GLP1R: variants seen among roughly 807,000 people sequenced by gnomAD.
The protein encoded by GLP1R is glucagon like peptide 1 receptor.
In GLP1R, 32 loss-of-function variants were observed where a neutral mutation model predicts 68.4. The ratio of observed to expected loss-of-function variants is 0.47; its 90% CI spans 0.35 to 0.63. GLP1R has a LOEUF of 0.63. Among genes scored for constraint, GLP1R ranks in the 20% least tolerant of loss-of-function variants. The pLI is 0.00. For missense variants in GLP1R, 502 were observed against 594.9 expected (o/e 0.84, Z 1.62); for synonymous variants, 263 against 244.4 (o/e 1.08, Z -0.71).
chr6:39,075,797 C>A (rs1358763525), intron 7 of GLP1R, among the ~76,000 whole-genome samples: 3 of 152,164 alleles, frequency 2.0e-5, no homozygotes, highest in African/African-American at 4.8e-5. Flanking sequence ...GAGAGGTCCC[C>A]CAAAGGGCAT....
At chr6:39,072,748 G>T in intron 5 of GLP1R, 114 bp from the exon 6 acceptor site, 1 of 853,818 alleles carries the variant, frequency 1.2e-6, no homozygotes, top group African/African-American at 1.7e-5. Context: ...GAAGACACAC[G>T]CACAGTCCCA....
rs1442603564 is a variant in GLP1R, at chr6:39,056,391, C to G, written c.79-6C>G. 6.5e-7 allele frequency: 1 copy of G among 1,537,262 alleles called. No individual in the cohort carries two copies. Reference sequence around the variant, plus strand: ...CACAGGCCTCCCATATATGCCCTCCCCCCAGGGTGCCACTGTGTCCCTCTG... The same window carrying G: ...CACAGGCCTCCCATATATGCCCTCCGCCCAGGGTGCCACTGTGTCCCTCTG... On this transcript the variant is annotated splice_region_variant and splice_polypyrimidine_tract_variant and intron_variant, in intron 1 of 12. Transcript: ENST00000373256.
chr6:39,081,680 G>A (rs1769016506), intron 12 of GLP1R, among the ~76,000 whole-genome samples: 1 of 152,206 alleles, frequency 6.6e-6, no homozygotes, highest in African/African-American at 2.4e-5. Flanking sequence ...GTGGGGACCT[G>A]GGTGTTTCAA....
At chr6:39,068,180 T>A (rs1222378218) in intron 5 of GLP1R, among the ~76,000 whole-genome samples, 1 of 152,160 alleles carries the variant, frequency 6.6e-6, no homozygotes, top group Non-Finnish European at 1.5e-5. Flanking sequence ...CCCAAGTAAA[T>A]CCAGACTTAA....
intron 3 of GLP1R, among the ~76,000 whole-genome samples, chr6:39,060,401 G>A (rs1351693176): frequency 6.6e-6 from 1 of 152,194 alleles, no homozygotes; most frequent in Non-Finnish European, 1.5e-5. Context: ...TTCAGAGGCT[G>A]GCAAGGTAAA....
At chr6:39,053,325 A>G (rs1768132410) in intron 1 of GLP1R, among the ~76,000 whole-genome samples, 1 of 152,226 alleles carries the variant, frequency 6.6e-6, no homozygotes, top group Non-Finnish European at 1.5e-5. Flanking sequence ...CCCTCCTCAC[A>G]GGGCATGGGG....
intron 12 of GLP1R, among the ~76,000 whole-genome samples, chr6:39,084,109 C>A (rs576027439): frequency 2.6e-5 from 4 of 151,996 alleles, no homozygotes; most frequent in Non-Finnish European, 4.4e-5. Context: ...AGGCAGGAGG[C>A]CAGGGGTTAG....
intron 3 of GLP1R, among the ~76,000 whole-genome samples, chr6:39,063,926 A>AACACACACACACAC (rs530782175): frequency 3.8e-5 from 5 of 130,268 alleles, no homozygotes; most frequent in South Asian, 2.6e-4. Flanking sequence ...ACAGACACAT[A>AACACACACACACAC]ACACACACAC....
At chr6:39,085,871 T>G in intron 12 of GLP1R, 35 bp from the exon 13 acceptor site, 1 of 1,608,536 alleles carries the variant, frequency 6.2e-7, no homozygotes, top group Non-Finnish European at 8.5e-7. Context: ...TTGGTTTGCA[T>G]GATGGCTTTC....
At chr6:39,081,273 T>C (rs1769006254) in intron 12 of GLP1R, among the ~76,000 whole-genome samples, 1 of 152,208 alleles carries the variant, frequency 6.6e-6, no homozygotes. Context: ...CTTAGCCTTT[T>C]GGCTAAGGTG....
At chr6:39,059,292 C>A (rs776847897) in intron 3 of GLP1R, among the ~76,000 whole-genome samples, 9 of 152,254 alleles carry the variant, frequency 5.9e-5, no homozygotes, top group Admixed American at 2.0e-4. Context: ...CACAGAGGTG[C>A]TCAGTGACTT....
At chr6:39,067,617 A>G (rs554477498) in intron 5 of GLP1R, among the ~76,000 whole-genome samples, 96 of 152,300 alleles carry the variant, frequency 6.3e-4, no homozygotes, top group African/African-American at 2.2e-3. Flanking sequence ...CTAAGTTTCA[A>G]CATGAATTTT....
chr6:39,072,354 G>C (rs564505675), intron 5 of GLP1R, among the ~76,000 whole-genome samples: 1 of 152,326 alleles, frequency 6.6e-6, no homozygotes, highest in South Asian at 2.1e-4. Flanking sequence ...TTTGCCCCTG[G>C]TTAGGTAAAT....
intron 1 of GLP1R, among the ~76,000 whole-genome samples, chr6:39,054,903 C>T (rs900770062): frequency 6.6e-6 from 1 of 152,238 alleles, no homozygotes; most frequent in Non-Finnish European, 1.5e-5. Context: ...ACTGTGCCAC[C>T]TCCTCAGCTG....
intron 1 of GLP1R, among the ~76,000 whole-genome samples, chr6:39,055,734 TGC>T (rs1768196692): frequency 1.3e-5 from 2 of 149,992 alleles, no homozygotes; most frequent in East Asian, 2.0e-4. Flanking sequence ...GGGTGGGGGG[TGC>T]TGTGTTGAGT....
At position 39,085,577 on chromosome 6, in the gene GLP1R, T is replaced by A. The variant is rs1410348395; in HGVS notation, c.1225-329T>A. ...TCTCTTCTCTCTCCCATCTCCTGTC[T>A]CCCTGTGTTTCACCCTCCCTCTCAT... On this transcript the variant is annotated intron_variant, in intron 12 of 12. Coordinates refer to ENST00000373256, the MANE Select transcript of GLP1R (RefSeq NM_002062.5). Among the ~76,000 whole-genome samples the A allele has an allele frequency of 3.3e-5, 5 of 152,196 alleles. No homozygotes were observed. The East Asian group carries it at 9.6e-4, about 29-fold the overall frequency.
At chr6:39,071,778 G>A (rs548191401) in intron 5 of GLP1R, among the ~76,000 whole-genome samples, 1 of 152,112 alleles carries the variant, frequency 6.6e-6, no homozygotes, top group African/African-American at 2.4e-5. Context: ...AATATTCTTA[G>A]CCCTGGCTCT....
At chr6:39,078,433 G>A (rs1342527475) in intron 8 of GLP1R, 51 bp downstream of exon 8, 2 of 1,256,528 alleles carry the variant, frequency 1.6e-6, no homozygotes, top group South Asian at 2.4e-5. Context: ...CCATCCTCAA[G>A]GTCCATGGGA....
At chr6:39,082,268 C>G (rs974008385) in intron 12 of GLP1R, among the ~76,000 whole-genome samples, 6 of 152,202 alleles carry the variant, frequency 3.9e-5, no homozygotes, top group African/African-American at 1.2e-4. Flanking sequence ...CAGAGTGTCT[C>G]ATTACATCCA....
Sources: gnomAD v4.1 joint callset for allele counts (sites outside exome capture counted in the v4.1 genomes callset) on GRCh38, gnomAD v4.1.1 for gene constraint, MANE v1.5 for transcripts, NCBI Gene and HGNC (gene_info 2026-07-23, HGNC 2026-07-21) for gene names.